The following OR2L13 variants were observed in gnomAD, a reference collection of about 807,000 sequenced individuals.
The protein encoded by OR2L13 is olfactory receptor 2L13.
OR2L13 carries 14 observed loss-of-function variants against 15.3 expected under a neutral mutation model. The observed-to-expected ratio is 0.91, with a 90% CI of 0.60 to 1.43. The LOEUF (loss-of-function observed/expected upper bound fraction) is 1.43. Ranked by LOEUF, OR2L13 falls within the 40% of genes most tolerant of loss-of-function variation. The probability of loss-of-function intolerance (pLI) is 0.00; values close to 1 mark genes in which losing one functional copy is unlikely to be tolerated. For synonymous variants in OR2L13, 152 were observed against 142.9 expected (o/e 1.06, Z -0.45); for missense variants, 367 against 387.9 (o/e 0.95, Z 0.45).
chr1:247,956,390 T>G, the OR2L13 span, among the ~76,000 whole-genome samples: 2 of 151,660 alleles, frequency 1.3e-5, no homozygotes, highest in African/African-American at 4.8e-5. Context: ...TGCCTCCAGC[T>G]TTGTTCTTTT....
At chr1:248,039,665 C>G in the OR2L13 span, 2 of 153,120 alleles carry the variant, frequency 1.3e-5, no homozygotes, top group African/African-American at 4.8e-5. Flanking sequence ...ATGTAGAAAT[C>G]AAAACAATAA....
At chr1:247,955,658 G>A in the OR2L13 span, among the ~76,000 whole-genome samples, 3 of 139,084 alleles carry the variant, frequency 2.2e-5, no homozygotes, top group Non-Finnish European at 4.8e-5. Context: ...GTGTGAGATG[G>A]TATCTCATTG....
At chr1:248,088,638 A>G in the OR2L13 span, among the ~76,000 whole-genome samples, 5 of 152,182 alleles carry the variant, frequency 3.3e-5, no homozygotes, top group South Asian at 6.2e-4. Flanking sequence ...TCTGGCCTAC[A>G]TATTGTAAAA....
the OR2L13 span, among the ~76,000 whole-genome samples, chr1:248,009,279 G>T: frequency 2.0e-5 from 3 of 151,878 alleles, no homozygotes; most frequent in African/African-American, 7.3e-5. Context: ...CCACTAGTCA[G>T]ATTAATAAAG....
chr1:247,971,412 C>T, the OR2L13 span, among the ~76,000 whole-genome samples: 7 of 152,222 alleles, frequency 4.6e-5, no homozygotes, highest in East Asian at 1.9e-4. Context: ...GTTGTGCTCT[C>T]GGCTATCTAA....
chr1:248,077,427 C>A, the OR2L13 span, among the ~76,000 whole-genome samples: 1 of 152,186 alleles, frequency 6.6e-6, no homozygotes, highest in South Asian at 2.1e-4. Context: ...GTACCAGCTC[C>A]TCTTTGTACC....
the OR2L13 span, among the ~76,000 whole-genome samples, chr1:248,076,240 G>C: frequency 6.7e-6 from 1 of 150,316 alleles, no homozygotes; most frequent in Non-Finnish European, 1.5e-5. Flanking sequence ...TGCTGCTTTG[G>C]TTACTGTAGC....
the OR2L13 span, among the ~76,000 whole-genome samples, chr1:247,963,449 C>A: frequency 2.6e-5 from 4 of 152,088 alleles, no homozygotes; most frequent in African/African-American, 9.7e-5. Context: ...GCTTATTTAC[C>A]ACATCCTGTT....
chr1:247,960,442 G>A, the OR2L13 span, among the ~76,000 whole-genome samples: 1 of 152,154 alleles, frequency 6.6e-6, no homozygotes, highest in Admixed American at 6.5e-5. Flanking sequence ...CTGCATGCTG[G>A]GAGAACCACT....
the OR2L13 span, among the ~76,000 whole-genome samples, chr1:248,010,240 A>G: frequency 6.6e-6 from 1 of 152,126 alleles, no homozygotes; most frequent in Non-Finnish European, 1.5e-5. Context: ...CTCTTTGCAG[A>G]TGACATGATT....
the OR2L13 span, among the ~76,000 whole-genome samples, chr1:247,995,379 TTCC>T: frequency 2.0e-4 from 31 of 152,358 alleles, 1 homozygote; most frequent in African/African-American, 7.0e-4. Flanking sequence ...GCTTGCTCTT[TTCC>T]TCTTCACATG....
the OR2L13 span, among the ~76,000 whole-genome samples, chr1:248,006,768 C>G: frequency 6.6e-6 from 1 of 152,144 alleles, no homozygotes; most frequent in Non-Finnish European, 1.5e-5. Flanking sequence ...TTTGTGCCTT[C>G]TACCATGTGA....
At chr1:248,020,601 C>A in the OR2L13 span, among the ~76,000 whole-genome samples, 1 of 151,868 alleles carries the variant, frequency 6.6e-6, no homozygotes, top group Non-Finnish European at 1.5e-5. Context: ...AATGAGGAGG[C>A]AAAAGAGAAT....
the OR2L13 span, among the ~76,000 whole-genome samples, chr1:248,018,167 A>ACC: frequency 6.6e-6 from 1 of 150,968 alleles, no homozygotes; most frequent in African/African-American, 2.5e-5. Context: ...AAATAAAAAA[A>ACC]AAAATTCGTT....
At chr1:248,008,990 G>A in the OR2L13 span, among the ~76,000 whole-genome samples, 1 of 152,246 alleles carries the variant, frequency 6.6e-6, no homozygotes, top group East Asian at 1.9e-4. Flanking sequence ...TGAAGCCAAT[G>A]AGAACAAAGA....
At chr1:247,992,800 T>TTGTAGGTCTTTGC in the OR2L13 span, among the ~76,000 whole-genome samples, 2 of 152,172 alleles carry the variant, frequency 1.3e-5, no homozygotes, top group African/African-American at 4.8e-5. Context: ...AGGTTGATTG[T>TTGTAGGTCTTTGC]AGGTCTTTGC....
At chr1:248,010,763 GTTTTTTTTTTTTTTTT>G in the OR2L13 span, among the ~76,000 whole-genome samples, 1 of 44,462 alleles carries the variant, frequency 2.2e-5, no homozygotes, top group African/African-American at 9.9e-5. Flanking sequence ...CTTTGTTGTT[GTTTTTTTTTTTTTTTT>G]TTTTTTTTGC....
At chr1:248,002,557 G>A in the OR2L13 span, among the ~76,000 whole-genome samples, 861 of 152,134 alleles carry the variant, frequency 5.7e-3, 13 homozygotes, top group Middle Eastern at 0.024. Context: ...AAATTTCTTC[G>A]CTTTTAAAAA....
the OR2L13 span, among the ~76,000 whole-genome samples, chr1:248,081,511 A>AAAAT: frequency 2.0e-5 from 3 of 152,132 alleles, no homozygotes; most frequent in Admixed American, 6.6e-5. Context: ...AATATGTTTT[A>AAAAT]AAATAATTTC....
Sources: allele counts gnomAD v4.1 joint callset (sites outside exome capture counted in the v4.1 genomes callset), GRCh38; gene constraint gnomAD v4.1.1; transcripts MANE v1.5; gene names NCBI Gene and HGNC (gene_info 2026-07-23, HGNC 2026-07-21).